The following SCN8A variants were observed in gnomAD, a reference collection of about 807,000 sequenced individuals.
SCN8A encodes the protein sodium channel protein type 8 subunit alpha.
In SCN8A, 30 loss-of-function variants were observed where a neutral mutation model predicts 184.1. That is an observed-to-expected ratio of 0.16 (90% CI 0.12 to 0.22). The LOEUF (loss-of-function observed/expected upper bound fraction) is 0.22, where lower values mean the gene tolerates loss of function less well. Among genes scored for constraint, SCN8A ranks in the 10% least tolerant of loss-of-function variants. The pLI, the probability that SCN8A is intolerant of heterozygous loss-of-function variation, is 1.00. For missense variants in SCN8A, 1,057 were observed against 2,498.9 expected (o/e 0.42, Z 12.30); for synonymous variants, 852 against 907.0 (o/e 0.94, Z 1.09).
At chr12:51,796,131 C>T (rs932401976) in intron 26 of SCN8A, among the ~76,000 whole-genome samples, 1 of 152,166 alleles carries the variant, frequency 6.6e-6, no homozygotes, top group Non-Finnish European at 1.5e-5. Context: ...AATGATAGCT[C>T]ACATTTAAAT....
At chr12:51,758,274 T>C (rs542676153) in intron 14 of SCN8A, among the ~76,000 whole-genome samples, 7 of 152,234 alleles carry the variant, frequency 4.6e-5, no homozygotes, top group East Asian at 1.9e-4. Flanking sequence ...CTGGACAACA[T>C]AGCAACACCC....
intron 1 of SCN8A, among the ~76,000 whole-genome samples, chr12:51,615,273 C>T (rs1939810424): frequency 6.6e-6 from 1 of 151,996 alleles, no homozygotes; most frequent in African/African-American, 2.4e-5. Flanking sequence ...ATGTTAGTAC[C>T]ACCAGGTGCA....
chr12:51,650,842 G>A (rs1216241374), intron 1 of SCN8A, among the ~76,000 whole-genome samples: 4 of 152,174 alleles, frequency 2.6e-5, no homozygotes, highest in Non-Finnish European at 5.9e-5. Context: ...AGTGTGAAGT[G>A]GGAAATCAGG....
intron 1 of SCN8A, among the ~76,000 whole-genome samples, chr12:51,634,168 G>A (rs1341368700): frequency 6.6e-6 from 1 of 152,218 alleles, no homozygotes; most frequent in African/African-American, 2.4e-5. Context: ...CAAACATAAT[G>A]TGGAATAGAA....
chr12:51,619,978 G>A (rs1939925203), intron 1 of SCN8A, among the ~76,000 whole-genome samples: 2 of 152,168 alleles, frequency 1.3e-5, no homozygotes, highest in African/African-American at 4.8e-5. Flanking sequence ...TACTGATGGT[G>A]GAATAGAAGC....
At chr12:51,797,667 C>T (rs1011970934) in intron 26 of SCN8A, among the ~76,000 whole-genome samples, 2 of 152,172 alleles carry the variant, frequency 1.3e-5, no homozygotes, top group Admixed American at 6.5e-5. Flanking sequence ...TACTAAGAGA[C>T]GCCCTAAGGG....
In SCN8A at chr12:51,768,855, A is replaced by G. The variant is rs771989247; in HGVS notation, c.2902-10A>G. The G allele has an allele frequency of 3.9e-6, 6 of 1,523,382 alleles. No homozygotes were observed. The highest frequency in any genetic ancestry group is 2.3e-5 in the East Asian group (1 of 43,968). The allele number at this position is 1,523,382 out of a possible 1,614,324, so 94.4% of individuals were successfully genotyped here. Reference sequence around the variant, plus strand: ...GCATTTGTTCCTTTTTTCCAATGCTACTGGCATAGGTGCTGAACCTGTTTC... The same window carrying G: ...GCATTTGTTCCTTTTTTCCAATGCTGCTGGCATAGGTGCTGAACCTGTTTC... On this transcript the variant is annotated splice_polypyrimidine_tract_variant and intron_variant, in intron 16 of 26. Transcript: ENST00000627620.
At chr12:51,634,841 G>T (rs961069234) in intron 1 of SCN8A, among the ~76,000 whole-genome samples, 1 of 151,784 alleles carries the variant, frequency 6.6e-6, no homozygotes, top group African/African-American at 2.4e-5. Context: ...GTAGAGACAG[G>T]GTTTCACCAT....
At chr12:51,786,187 G>C (rs1236261291) in intron 21 of SCN8A, among the ~76,000 whole-genome samples, 2 of 152,200 alleles carry the variant, frequency 1.3e-5, no homozygotes, top group Admixed American at 6.5e-5. Context: ...CAAGCTGAAA[G>C]TTACTCATAT....
chr12:51,631,973 C>A (rs992341893), intron 1 of SCN8A, among the ~76,000 whole-genome samples: 5 of 152,192 alleles, frequency 3.3e-5, no homozygotes, highest in African/African-American at 9.7e-5. Context: ...TCCCCCCACT[C>A]CCCTGTCTAA....
intron 16 of SCN8A, 200 bp downstream of exon 16, chr12:51,766,227 C>T (rs188434292): frequency 3.3e-6 from 2 of 597,846 alleles, no homozygotes; most frequent in East Asian, 2.8e-5. Context: ...TAGTCATGAC[C>T]CCCACAACTT....
At chr12:51,679,042 C>T (rs1340127619) in intron 2 of SCN8A, among the ~76,000 whole-genome samples, 1 of 151,688 alleles carries the variant, frequency 6.6e-6, no homozygotes, top group South Asian at 2.1e-4. Context: ...CACCGCTGCA[C>T]TCCAGCCTAG....
intron 1 of SCN8A, among the ~76,000 whole-genome samples, chr12:51,620,286 C>T (rs532809310): frequency 3.2e-4 from 49 of 152,198 alleles, no homozygotes; most frequent in Middle Eastern, 3.4e-3. Context: ...TTCATGTTTA[C>T]TTGGGTATGA....
chr12:51,651,169 A>G (rs892306395), intron 1 of SCN8A, among the ~76,000 whole-genome samples: 6 of 152,132 alleles, frequency 3.9e-5, no homozygotes, highest in Admixed American at 3.3e-4. Flanking sequence ...CTTGGGCTTT[A>G]TGGCCATCAT....
In SCN8A at chr12:51,706,785, T is replaced by C. The variant is rs1483485060; in HGVS notation, c.1635+70T>C. On this transcript the variant is annotated intron_variant, in intron 11 of 26. Transcript: ENST00000627620. ...TATTAAGGTAAAATGTGTATATGTATATTATACCATCTTTACCATTTTAAG... is the reference window on the plus strand; with the variant it reads ...TATTAAGGTAAAATGTGTATATGTACATTATACCATCTTTACCATTTTAAG... 94 of 1,024,182 alleles carry C rather than the reference T, an allele frequency of 9.2e-5. 1 individual carries two copies. Among genetic ancestry groups the C allele is most frequent in the Admixed American group, 2.4e-4 (8 of 32,708 alleles). The allele number at this position is 1,024,182 out of a possible 1,614,324, so 63.4% of individuals were successfully genotyped here.
chr12:51,753,489 A>G (rs1942626643), intron 14 of SCN8A, among the ~76,000 whole-genome samples: 1 of 152,256 alleles, frequency 6.6e-6, no homozygotes, highest in Non-Finnish European at 1.5e-5. Context: ...GAGATGCCAA[A>G]TAAGGAAGTT....
At chr12:51,783,570 G>A (rs1937991315) in intron 21 of SCN8A, among the ~76,000 whole-genome samples, 1 of 152,120 alleles carries the variant, frequency 6.6e-6, no homozygotes, top group African/African-American at 2.4e-5. Flanking sequence ...TGTGCTATAG[G>A]CAAAGGAATA....
At chr12:51,775,582 C>G (rs1397032594) in intron 20 of SCN8A, among the ~76,000 whole-genome samples, 9 of 152,304 alleles carry the variant, frequency 5.9e-5, no homozygotes, top group South Asian at 4.1e-4. Context: ...ATCCCTCCAG[C>G]AACTGTTGAT....
At chr12:51,777,907 C>T (rs1280414162) in intron 20 of SCN8A, among the ~76,000 whole-genome samples, 1 of 152,186 alleles carries the variant, frequency 6.6e-6, no homozygotes. Context: ...AGAATAGCTT[C>T]CCTTCAGATA....
Sources: gnomAD v4.1 joint callset for allele counts (sites outside exome capture counted in the v4.1 genomes callset) on GRCh38, gnomAD v4.1.1 for gene constraint, MANE v1.5 for transcripts, NCBI Gene and HGNC (gene_info 2026-07-23, HGNC 2026-07-21) for gene names.